Variants in KPNA6 observed in about 807,000 individuals in gnomAD.
The protein encoded by KPNA6 is importin subunit alpha-7.
Under a neutral mutation model 72.0 loss-of-function variants are expected in KPNA6, and 9 were observed. That is an observed-to-expected ratio of 0.13 (90% CI 0.08 to 0.22). The LOEUF (loss-of-function observed/expected upper bound fraction) is 0.22. Ranked by LOEUF, KPNA6 falls within the 10% of genes least tolerant of loss-of-function variation. The pLI, the probability that KPNA6 is intolerant of heterozygous loss-of-function variation, is 1.00. For synonymous variants in KPNA6, 219 were observed against 242.1 expected (o/e 0.90, Z 0.89); for missense variants, 374 against 655.7 (o/e 0.57, Z 4.69).
chr1:32,134,256 CAAA>C (rs34653548), intron 1 of KPNA6, among the ~76,000 whole-genome samples: 2 of 109,512 alleles, frequency 1.8e-5, no homozygotes. Context: ...CACTTCGTCT[CAAA>C]AAAAAAAAAA....
intron 1 of KPNA6, among the ~76,000 whole-genome samples, chr1:32,137,416 TCC>T (rs1641754003): frequency 6.6e-6 from 1 of 152,114 alleles, no homozygotes; most frequent in Admixed American, 6.6e-5. Flanking sequence ...CAGGTGATCC[TCC>T]CACCTTGGCC....
chr1:32,139,926 T>C (rs1387757953), intron 1 of KPNA6, among the ~76,000 whole-genome samples: 1 of 152,236 alleles, frequency 6.6e-6, no homozygotes, highest in Non-Finnish European at 1.5e-5. Flanking sequence ...TTTGAAATTT[T>C]CCATGATAAA....
chr1:32,114,451 A>AAAAAAATAT (rs982175711), intron 1 of KPNA6, among the ~76,000 whole-genome samples: 1 of 145,562 alleles, frequency 6.9e-6, no homozygotes, highest in Middle Eastern at 3.5e-3. Flanking sequence ...CAAAAAAAAA[A>AAAAAAATAT]ATATATATAT....
intron 2 of KPNA6, among the ~76,000 whole-genome samples, chr1:32,155,075 A>G (rs1248112082): frequency 7.5e-6 from 1 of 133,654 alleles, no homozygotes; most frequent in Non-Finnish European, 1.5e-5. Context: ...GTGCCATTGC[A>G]CTCCAGCCTG....
At chr1:32,108,211 C>G (rs1641177458) in intron 1 of KPNA6, 77 bp downstream of exon 1, 2 of 1,596,242 alleles carry the variant, frequency 1.3e-6, no homozygotes, top group South Asian at 1.1e-5. Context: ...GAGCCTGTCT[C>G]CGGTCTGCGG....
chr1:32,154,132 G>A (rs1642090562), intron 1 of KPNA6, among the ~76,000 whole-genome samples: 1 of 151,784 alleles, frequency 6.6e-6, no homozygotes, highest in Non-Finnish European at 1.5e-5. Flanking sequence ...GGGTGACAGA[G>A]TGAGACCCTG....
At chr1:32,114,451 A>ATATATAT (rs1553125090) in intron 1 of KPNA6, among the ~76,000 whole-genome samples, 1 of 145,524 alleles carries the variant, frequency 6.9e-6, no homozygotes, top group African/African-American at 2.5e-5. Flanking sequence ...CAAAAAAAAA[A>ATATATAT]ATATATATAT....
intron 1 of KPNA6, among the ~76,000 whole-genome samples, chr1:32,126,943 C>T (rs1391480495): frequency 6.6e-6 from 1 of 151,934 alleles, no homozygotes; most frequent in Non-Finnish European, 1.5e-5. Flanking sequence ...TTTCTTTGAC[C>T]GTAACTTCCT....
At position 32,119,645 on chromosome 1, in the gene KPNA6, G is replaced by A. The variant is rs758657488; in HGVS notation, c.4+11511G>A. Among the ~76,000 whole-genome samples the A allele has an allele frequency of 8.5e-5, 13 of 152,054 alleles. 1 individual carries two copies. Among genetic ancestry groups the A allele is most frequent in the Admixed American group, 3.3e-4 (5 of 15,242 alleles). ...GACAACCCTATTTCCTGGCTGCTAC[G>A]CTCCAGCCAATTGTTGCCATGGGGA... On this transcript the variant is annotated intron_variant, in intron 1 of 13. Coordinates refer to ENST00000373625, the MANE Select transcript of KPNA6 (RefSeq NM_012316.5).
intron 9 of KPNA6, 55 bp downstream of exon 9, chr1:32,162,579 A>G: frequency 6.3e-7 from 1 of 1,594,576 alleles, no homozygotes; most frequent in East Asian, 2.2e-5. Flanking sequence ...GCTTATGCTT[A>G]TAATCCCAGC....
At chr1:32,113,051 CAGTA>C (rs1313011409) in intron 1 of KPNA6, among the ~76,000 whole-genome samples, 2 of 152,068 alleles carry the variant, frequency 1.3e-5, no homozygotes, top group Non-Finnish European at 2.9e-5. Context: ...AAATTAGAGT[CAGTA>C]CTCTCAAACC....
intron 6 of KPNA6, among the ~76,000 whole-genome samples, chr1:32,159,845 T>A (rs6677370): frequency 0.04 from 6,072 of 152,190 alleles, 375 homozygotes; most frequent in African/African-American, 0.14. Flanking sequence ...TTGTTGGAAG[T>A]GCCATTGGAA....
intron 12 of KPNA6, 104 bp from the exon 13 acceptor site, chr1:32,169,778 A>C: frequency 9.1e-7 from 1 of 1,093,396 alleles, no homozygotes; most frequent in Non-Finnish European, 1.3e-6. Flanking sequence ...CTTAAAAATA[A>C]AAAAATAAAT....
intron 1 of KPNA6, chr1:32,143,054 C>A: frequency 8.5e-7 from 1 of 1,180,592 alleles, no homozygotes; most frequent in Non-Finnish European, 1.1e-6. Flanking sequence ...CATAGTGCTG[C>A]CTTCAGAAAT....
chr1:32,127,531 A>G (rs1035621053), intron 1 of KPNA6, among the ~76,000 whole-genome samples: 4 of 152,242 alleles, frequency 2.6e-5, no homozygotes, highest in African/African-American at 7.2e-5. Flanking sequence ...TATTGTTGCT[A>G]AGAGCTAAAA....
At chr1:32,139,954 A>G (rs1244830581) in intron 1 of KPNA6, among the ~76,000 whole-genome samples, 1 of 152,252 alleles carries the variant, frequency 6.6e-6, no homozygotes, top group East Asian at 1.9e-4. Context: ...AATAACAAAT[A>G]CAATGTGTGA....
intron 1 of KPNA6, among the ~76,000 whole-genome samples, chr1:32,119,016 A>ATTT (rs1557457095): frequency 2.9e-5 from 2 of 69,304 alleles, no homozygotes; most frequent in South Asian, 6.1e-4. Flanking sequence ...ATATATATAT[A>ATTT]TATATATATA....
intron 1 of KPNA6, among the ~76,000 whole-genome samples, chr1:32,116,974 C>G (rs1282450324): frequency 6.6e-6 from 1 of 152,160 alleles, no homozygotes; most frequent in Non-Finnish European, 1.5e-5. Flanking sequence ...GACCATGGCT[C>G]ATGGCACCCC....
At chr1:32,118,143 C>T (rs1043062017) in intron 1 of KPNA6, among the ~76,000 whole-genome samples, 2 of 151,948 alleles carry the variant, frequency 1.3e-5, no homozygotes, top group East Asian at 1.9e-4. Flanking sequence ...AGGCTGGTCT[C>T]GAACTCCCAA....
Sources: gnomAD v4.1 joint callset for allele counts (sites outside exome capture counted in the v4.1 genomes callset) on GRCh38, gnomAD v4.1.1 for gene constraint, MANE v1.5 for transcripts, NCBI Gene and HGNC (gene_info 2026-07-23, HGNC 2026-07-21) for gene names.